The following CDH9 variants were observed in gnomAD, a reference collection of about 807,000 sequenced individuals.
CDH9 encodes cadherin 9, also known as cadherin-9.
CDH9 carries 28 observed loss-of-function variants against 70.9 expected under a neutral mutation model. That is an observed-to-expected ratio of 0.40 (90% CI 0.29 to 0.54). CDH9 has a LOEUF of 0.54. Among genes scored for constraint, CDH9 ranks in the 20% least tolerant of loss-of-function variants. CDH9 has a pLI of 0.59. For missense variants in CDH9, 874 were observed against 984.4 expected (o/e 0.89, Z 1.50); for synonymous variants, 409 against 343.1 (o/e 1.19, Z -2.12).
chr5:26,908,462 C>T (rs968049117), intron 3 of CDH9, among the ~76,000 whole-genome samples: 1 of 151,984 alleles, frequency 6.6e-6, no homozygotes, highest in Admixed American at 6.6e-5. Flanking sequence ...TACCAATATG[C>T]TGAAAATACA....
intron 2 of CDH9, among the ~76,000 whole-genome samples, chr5:26,961,642 A>T (rs1459699243): frequency 6.6e-6 from 1 of 152,160 alleles, no homozygotes; most frequent in Non-Finnish European, 1.5e-5. Context: ...TAATTTAAAA[A>T]TAAATAAACA....
intron 2 of CDH9, among the ~76,000 whole-genome samples, chr5:26,955,111 A>C (rs571084472): frequency 7.3e-4 from 111 of 152,358 alleles, no homozygotes; most frequent in African/African-American, 2.6e-3. Context: ...CTGTAACTTA[A>C]AACCAAGAAT....
At chr5:26,892,612 C>T (rs1740678940) in intron 7 of CDH9, among the ~76,000 whole-genome samples, 1 of 152,168 alleles carries the variant, frequency 6.6e-6, no homozygotes, top group African/African-American at 2.4e-5. Context: ...GAAATTACAG[C>T]TCCCACTGTA....
chr5:26,995,333 A>G (rs1001855250), intron 1 of CDH9, among the ~76,000 whole-genome samples: 2 of 152,194 alleles, frequency 1.3e-5, no homozygotes, highest in African/African-American at 4.8e-5. Context: ...AACTGGGAGA[A>G]AATAGGCCTT....
chr5:26,960,737 T>C (rs1249692761), intron 2 of CDH9, among the ~76,000 whole-genome samples: 18 of 152,002 alleles, frequency 1.2e-4, no homozygotes. Flanking sequence ...TCTAGAATCT[T>C]TCAGTAGCAT....
At chr5:27,030,348 CT>C (rs3841122) in intron 1 of CDH9, among the ~76,000 whole-genome samples, 68,184 of 150,746 alleles carry the variant, frequency 0.45, 16,150 homozygotes, top group Non-Finnish European at 0.5. Context: ...GAAAAAGCCA[CT>C]TTTTTTTTAG....
chr5:26,973,982 C>T (rs1742263463), intron 2 of CDH9, among the ~76,000 whole-genome samples: 2 of 152,132 alleles, frequency 1.3e-5, no homozygotes, highest in Admixed American at 6.6e-5. Flanking sequence ...TGATGGCTCA[C>T]GTCTGTAATC....
At chr5:26,883,234 A>C (rs1274386016) in intron 11 of CDH9, among the ~76,000 whole-genome samples, 3 of 150,996 alleles carry the variant, frequency 2.0e-5, no homozygotes, top group Non-Finnish European at 4.4e-5. Context: ...ATTTAATATT[A>C]AATAAATTTA....
intron 2 of CDH9, among the ~76,000 whole-genome samples, chr5:26,952,634 C>CAG (rs1554000017): frequency 1.9e-4 from 11 of 57,854 alleles, no homozygotes; most frequent in Middle Eastern, 0.015. Context: ...GACTCCGTCT[C>CAG]AAAAAAAAAA....
chr5:27,008,763 T>G (rs1421234602), intron 1 of CDH9, among the ~76,000 whole-genome samples: 2 of 152,174 alleles, frequency 1.3e-5, no homozygotes, highest in Non-Finnish European at 2.9e-5. Context: ...GCTGCAGTGC[T>G]CCCTGCAGAT....
intron 1 of CDH9, among the ~76,000 whole-genome samples, chr5:27,009,962 C>T (rs1742929397): frequency 1.3e-5 from 2 of 152,026 alleles, no homozygotes; most frequent in South Asian, 2.1e-4. Flanking sequence ...ACAGCTTTAA[C>T]GTGAGGCATT....
chr5:27,006,223 A>G (rs1400249495), intron 1 of CDH9, among the ~76,000 whole-genome samples: 2 of 152,144 alleles, frequency 1.3e-5, no homozygotes, highest in Non-Finnish European at 2.9e-5. Context: ...TATGAAAGAG[A>G]GGTTTAGATA....
chr5:26,920,769 A>G (rs59145905), intron 2 of CDH9, among the ~76,000 whole-genome samples: 17,145 of 152,232 alleles, frequency 0.11, 1,631 homozygotes, highest in East Asian at 0.48. Flanking sequence ...TGAGTCTGCA[A>G]GAGCCACAGC....
chr5:26,967,038 T>C (rs1287811677), intron 2 of CDH9, among the ~76,000 whole-genome samples: 4 of 152,278 alleles, frequency 2.6e-5, no homozygotes, highest in Admixed American at 2.6e-4. Context: ...GCTTAAGCGA[T>C]CCTCTCACCT....
chr5:26,884,717 A>C (rs1319531498), intron 11 of CDH9, among the ~76,000 whole-genome samples: 1 of 152,184 alleles, frequency 6.6e-6, no homozygotes, highest in Non-Finnish European at 1.5e-5. Flanking sequence ...TTGCAGAGAA[A>C]AGGAGCTAGC....
At position 26,881,008 on chromosome 5, in the gene CDH9, G is replaced by A. The variant is rs1018626912; in HGVS notation, c.*128C>T. On this transcript the variant is annotated 3_prime_UTR_variant, in exon 12 of 12. Coordinates refer to ENST00000231021, the MANE Select transcript of CDH9 (RefSeq NM_016279.4). The stretch of plus-strand genomic sequence containing the variant: ...TTACTGATTAAGCAAATCCCTACTT[G>A]ACAACATCTACGTATTGTTTGTAAC... 3.9e-6 allele frequency: 3 copies of A among 775,688 alleles called. No individual in the cohort carries two copies. Among genetic ancestry groups the A allele is most frequent in the Non-Finnish European group, 6.2e-6 (3 of 487,486 alleles). The allele number at this position is 775,688 out of a possible 1,614,324, so 48.1% of individuals were successfully genotyped here.
chr5:26,991,473 C>A (rs1174819852), intron 1 of CDH9, among the ~76,000 whole-genome samples: 2 of 152,176 alleles, frequency 1.3e-5, no homozygotes, highest in Non-Finnish European at 2.9e-5. Context: ...CGTTCTAGAG[C>A]TTTCCTACAG....
intron 2 of CDH9, among the ~76,000 whole-genome samples, chr5:26,961,208 T>A (rs963232088): frequency 1.1e-4 from 17 of 152,138 alleles, no homozygotes; most frequent in Non-Finnish European, 2.5e-4. Context: ...CACTGTGGAA[T>A]GACTAAATCA....
intron 2 of CDH9, among the ~76,000 whole-genome samples, chr5:26,963,270 C>T (rs1579480302): frequency 6.6e-6 from 1 of 152,006 alleles, no homozygotes; most frequent in East Asian, 1.9e-4. Flanking sequence ...AATAATGTAC[C>T]TCCTAGAAGG....
Sources: gnomAD v4.1 joint callset for allele counts (sites outside exome capture counted in the v4.1 genomes callset) on GRCh38, gnomAD v4.1.1 for gene constraint, MANE v1.5 for transcripts, NCBI Gene and HGNC (gene_info 2026-07-23, HGNC 2026-07-21) for gene names.